The following UBR4 variants were observed in gnomAD, a reference collection of about 807,000 sequenced individuals.
The protein encoded by UBR4 is E3 ubiquitin-protein ligase UBR4.
A neutral mutation model predicts 575.6 loss-of-function variants in UBR4; 124 were observed. The ratio of observed to expected loss-of-function variants is 0.22; its 90% CI spans 0.19 to 0.25. The LOEUF is 0.25. Among genes scored for constraint, UBR4 ranks in the 10% least tolerant of loss-of-function variants. UBR4 has a pLI of 1.00. For synonymous variants in UBR4, 2,455 were observed against 2,473.7 expected (o/e 0.99, Z 0.22); for missense variants, 4,818 against 6,478.8 (o/e 0.74, Z 8.80).
Position 19,155,065 on chromosome 1 carries a change from C to T in UBR4, c.6311G>A (p.Ser2104Asn), listed in dbSNP as rs1214641897. The T allele has an allele frequency of 6.2e-7, 1 of 1,613,918 alleles. No homozygotes were observed. Among genetic ancestry groups the T allele is most frequent in the East Asian group, 2.2e-5 (1 of 44,880 alleles). The change falls in exon 44 of 106, where the codon AGC (serine) becomes AAC (asparagine). Residue 2104 changes from serine (S) to asparagine (N), a missense_variant. Physicochemically the swap from Ser to Asn is conservative, Grantham distance 46 (BLOSUM62 1). Around this residue, in one of 29 missense-constraint regions of UBR4, gnomAD observed 461 missense variants for 606.9 expected, o/e 0.76. Coordinates refer to ENST00000375254, the MANE Select transcript of UBR4 (RefSeq NM_020765.3). ...GGACACACCACCGCCCGCCACCTGG[C>T]TGTTACTGTCCTGCTGGCACAAAGA... ...INHEDLKDSN[S>N]QVAGGGVSVY...
chr1:19,099,294 A>C (rs2078378633), intron 90 of UBR4, among the ~76,000 whole-genome samples: 1 of 152,216 alleles, frequency 6.6e-6, no homozygotes, highest in Non-Finnish European at 1.5e-5. Context: ...CATTCCCAGC[A>C]CAGAGCCTCC....
rs2086029657 is a variant in UBR4 at position 19,153,585 on chromosome 1, T to C, written c.6631-83A>G. On this transcript the variant is annotated intron_variant, in intron 45 of 105. Transcript: ENST00000375254. This position sits in a 1 kb window ranked among gnomAD's most constrained non-coding sequence, Gnocchi z 4.1. Reference sequence around the variant, plus strand: ...ACAGAAAAAGAGGCAGAGATGCAACTGGTTTCATGGTCAGTTGAGGGGCTG... The same window carrying C: ...ACAGAAAAAGAGGCAGAGATGCAACCGGTTTCATGGTCAGTTGAGGGGCTG... 2.6e-6 allele frequency: 4 copies of C among 1,551,180 alleles called. No homozygotes were observed. Among genetic ancestry groups the C allele is most frequent in the Middle Eastern group, 2.3e-4 (1 of 4,410 alleles).
intron 91 of UBR4, 146 bp downstream of exon 91, chr1:19,097,043 CTCTT>C: frequency 1.7e-6 from 1 of 574,412 alleles, no homozygotes; most frequent in Non-Finnish European, 2.8e-6. Context: ...CCACAGACAC[CTCTT>C]TTTTTCCTCA....
intron 52 of UBR4, chr1:19,146,273 T>C: frequency 4.5e-6 from 2 of 446,386 alleles, no homozygotes; most frequent in Admixed American, 4.2e-5. Flanking sequence ...AATTCTGGGA[T>C]TGTAGTATTA....
intron 1 of UBR4, among the ~76,000 whole-genome samples, chr1:19,203,499 CAA>C (rs774026182): frequency 3.7e-4 from 40 of 108,514 alleles, no homozygotes; most frequent in Non-Finnish European, 3.4e-4. Context: ...GACTCCAACT[CAA>C]AAAAAAAAAA....
At chr1:19,176,239 C>G (rs1302168206) in intron 20 of UBR4, among the ~76,000 whole-genome samples, 1 of 152,050 alleles carries the variant, frequency 6.6e-6, no homozygotes, top group African/African-American at 2.4e-5. Context: ...AGGTAGGCAC[C>G]ACCAAGCCTG....
Position 19,117,131 on chromosome 1 carries a change from G to T in UBR4, c.10823+90C>A. ...GGATGTATTAGGCCTCTAGGGATGT[G>T]CTGCCTTACTCCATTCCAGGAACCG... is the stretch of plus-strand genomic sequence containing the variant. On this transcript the variant is annotated intron_variant, in intron 73 of 105. Transcript: ENST00000375254. This position sits in a 1 kb window ranked among gnomAD's most constrained non-coding sequence, Gnocchi z 4.0. 3.4e-6 allele frequency: 5 copies of T among 1,450,130 alleles called. No individual in the cohort carries two copies. The highest frequency in any genetic ancestry group is 4.8e-6 in the Non-Finnish European group (5 of 1,051,442). The allele number at this position is 1,450,130 out of a possible 1,614,324, so 89.8% of individuals were successfully genotyped here.
chr1:19,163,181 A>G (rs576432647), intron 34 of UBR4, among the ~76,000 whole-genome samples: 4 of 152,320 alleles, frequency 2.6e-5, no homozygotes, highest in Admixed American at 2.6e-4. Flanking sequence ...GTCAGTGCTG[A>G]AAGGATAAAG....
At chr1:19,084,382 C>T in intron 102 of UBR4, 122 bp downstream of exon 102, 1 of 1,063,138 alleles carries the variant, frequency 9.4e-7, no homozygotes, top group Non-Finnish European at 1.3e-6. Context: ...AAAAAGGCTG[C>T]CTTAGGCCAG....
rs1557479762 is a variant in UBR4, at chr1:19,081,556, C to T, written c.15026G>A (p.Arg5009Gln). ...YVLNTTRATSREEKNLQGFLE... is the reference protein window; with the variant it reads ...YVLNTTRATSQEEKNLQGFLE... ...AAAGCCTTGGAGGTTCTTCTCTTCTCGGGAAGTTGCTCGGGTTCTAGAAGA... is the reference window on the plus strand; with the variant it reads ...AAAGCCTTGGAGGTTCTTCTCTTCTTGGGAAGTTGCTCGGGTTCTAGAAGA... Residue 5009 changes from arginine (R) to glutamine (Q), a missense_variant, in exon 103 of 106, where the codon CGA (arginine) becomes CAA (glutamine). Physicochemically the swap from Arg to Gln is conservative, Grantham distance 43 (BLOSUM62 1). Transcript: ENST00000375254. 1.2e-6 allele frequency: 2 copies of T among 1,613,888 alleles called. No homozygotes were observed. The highest frequency in any genetic ancestry group is 1.3e-5 in the African/African-American group (1 of 74,856).
At chr1:19,201,414 C>G (rs1022529937) in intron 2 of UBR4, among the ~76,000 whole-genome samples, 1 of 152,176 alleles carries the variant, frequency 6.6e-6, no homozygotes, top group Non-Finnish European at 1.5e-5. Flanking sequence ...GGGAAATTAA[C>G]ACACCAGTAA....
In UBR4 at chr1:19,176,699, A is replaced by G; in HGVS notation, c.2666T>C (p.Phe889Ser). The G allele has an allele frequency of 2.5e-6, 4 of 1,614,080 alleles. No individual in the cohort carries two copies. The highest frequency in any genetic ancestry group is 3.4e-6 in the Non-Finnish European group (4 of 1,180,012). Residue 889 changes from phenylalanine to serine, a missense_variant, in exon 20 of 106, where the codon TTT (phenylalanine) becomes TCT (serine). By Grantham distance (155) the Phe-to-Ser change is radical. This residue lies in a region of UBR4 where 1,172 missense variants were observed against 1,259.7 expected (regional missense o/e 0.93). Coordinates refer to ENST00000375254, the MANE Select transcript of UBR4 (RefSeq NM_020765.3). ...QVQHNLLSPPFGWASGSQDSN... is the reference protein window; with the variant it reads ...QVQHNLLSPPSGWASGSQDSN... Reference sequence around the variant, plus strand: ...GTCCTGGGATCCACTTGCCCACCCAAAGGGAGGACTTAGCAGGTTATGCTG... The same window carrying G: ...GTCCTGGGATCCACTTGCCCACCCAGAGGGAGGACTTAGCAGGTTATGCTG...
intron 103 of UBR4, 161 bp downstream of exon 103, chr1:19,081,188 G>A: frequency 1.5e-6 from 1 of 662,302 alleles, no homozygotes; most frequent in Non-Finnish European, 2.5e-6. Flanking sequence ...CCAGCCATCA[G>A]CTTAGACTCT....
chr1:19,117,941 C>T lies in UBR4; in HGVS notation c.10542-31G>A. The stretch of plus-strand genomic sequence containing the variant: ...GAAGAAACCAGTCTTAGCATGAACA[C>T]ATTTTCATCTTAGGAAGCACTGAGT... On this transcript the variant is annotated intron_variant, in intron 71 of 105. Coordinates refer to ENST00000375254, the MANE Select transcript of UBR4 (RefSeq NM_020765.3). This position sits in a 1 kb window ranked among gnomAD's most constrained non-coding sequence, Gnocchi z 4.0. 6.3e-7 allele frequency: 1 copy of T among 1,598,630 alleles called. No homozygotes were observed. Among genetic ancestry groups the T allele is most frequent in the Non-Finnish European group, 8.6e-7 (1 of 1,166,096 alleles).
intron 100 of UBR4, 135 bp downstream of exon 100, chr1:19,086,544 T>C: frequency 7.5e-7 from 1 of 1,333,964 alleles, no homozygotes; most frequent in South Asian, 1.4e-5. Flanking sequence ...TGGGGACCTA[T>C]ATGGTGTCAG....
intron 59 of UBR4, 120 bp downstream of exon 59, chr1:19,138,963 A>T: frequency 8.0e-7 from 1 of 1,255,824 alleles, no homozygotes; most frequent in Non-Finnish European, 1.0e-6. Context: ...AGTCCACAAG[A>T]CTTTCAATGA....
chr1:19,104,049 A>C, intron 87 of UBR4, 35 bp downstream of exon 87: 1 of 1,607,388 alleles, frequency 6.2e-7, no homozygotes, highest in African/African-American at 1.3e-5. Flanking sequence ...CAGAAGGGAC[A>C]GTGCCTTAGG....
Position 19,095,616 on chromosome 1 carries a change from T to C in UBR4, c.13555A>G (p.Lys4519Glu). 6.2e-7 allele frequency: 1 copy of C among 1,614,122 alleles called. No homozygotes were observed. Among genetic ancestry groups the C allele is most frequent in the African/African-American group, 1.3e-5 (1 of 75,022 alleles). ...TTGACCAGTTGCTGCCGGTTGACTTTCACCTTCACGCAGTAACTGAACAAT... is the reference window on the plus strand; with the variant it reads ...TTGACCAGTTGCTGCCGGTTGACTTCCACCTTCACGCAGTAACTGAACAAT... ...LKLFSYCVKV[K>E]VNRQQLVKLE... is the part of the protein sequence containing the mutation. The change falls in exon 93 of 106, where the codon AAA becomes GAA. Residue 4519 changes from lysine to glutamate, a missense_variant. Physicochemically the swap from Lys to Glu is moderately conservative, Grantham distance 56. Coordinates refer to ENST00000375254, the MANE Select transcript of UBR4 (RefSeq NM_020765.3).
In UBR4 at chr1:19,088,700, G is replaced by A; in HGVS notation, c.14430+59C>T. ...ATGGCCAACCCCAGGGCTGTCCCAT[G>A]GCCACCTCCTCATCAACAGTGTGGG... On this transcript the variant is annotated intron_variant, in intron 98 of 105. Transcript: ENST00000375254. The surrounding 1 kb of genome is among the most constrained non-coding windows in gnomAD (Gnocchi z 4.0). 2.5e-6 allele frequency: 4 copies of A among 1,577,842 alleles called. No individual in the cohort carries two copies. The highest frequency in any genetic ancestry group is 3.5e-6 in the Non-Finnish European group (4 of 1,150,504).
Sources: gnomAD v4.1 joint callset for allele counts (sites outside exome capture counted in the v4.1 genomes callset) on GRCh38, gnomAD v4.1.1 for gene constraint, gnomAD v4.1.1 regional missense constraint, Gnocchi (gnomAD v3.1) non-coding constraint, MANE v1.5 for transcripts, NCBI Gene and HGNC (gene_info 2026-07-23, HGNC 2026-07-21) for gene names.